The following TTK variants were observed in gnomAD, a reference collection of about 807,000 sequenced individuals.
TTK encodes the protein dual specificity protein kinase TTK.
Under a neutral mutation model 117.3 loss-of-function variants are expected in TTK, and 59 were observed. The ratio of observed to expected loss-of-function variants is 0.50; its 90% CI spans 0.41 to 0.62. The LOEUF (loss-of-function observed/expected upper bound fraction) is 0.62. Among genes scored for constraint, TTK ranks in the 20% least tolerant of loss-of-function variants. The pLI is 0.00. For missense variants in TTK, 921 were observed against 989.4 expected, an observed-to-expected ratio of 0.93 and a Z score of 0.93; for synonymous variants, 302 against 325.0, an observed-to-expected ratio of 0.93 and a Z score of 0.76.
chr6:80,013,533 A>T, intron 9 of TTK, 167 bp downstream of exon 9: 2 of 522,514 alleles, frequency 3.8e-6, no homozygotes, highest in Non-Finnish European at 6.7e-6. Context: ...TTGGTGCAGA[A>T]GTCCTAGACT....
rs201650148 is a variant in TTK, at chr6:80,011,749, A to G, written c.749A>G (p.Asp250Gly). 1.1e-3 allele frequency: 1,835 copies of G among 1,612,788 alleles called. 23 individuals carry two copies. In the South Asian group the frequency reaches 0.019, roughly 16 times the overall value. The change falls in exon 7 of 22, where the codon GAT becomes GGT. Residue 250 changes from aspartate (D) to glycine (G), a missense_variant. Physicochemically the swap from Asp to Gly is moderately conservative, Grantham distance 94. Transcript: ENST00000369798. ...FLYGENMPPQ[D>G]AEIGYRNSLR... The stretch of plus-strand genomic sequence containing the variant: ...TTTAGAGAGAACATGCCACCACAAG[A>G]TGCAGAAATAGGTTACCGGAATTCA...
intron 16 of TTK, among the ~76,000 whole-genome samples, chr6:80,035,940 T>C (rs1411133267): frequency 6.6e-6 from 1 of 152,118 alleles, no homozygotes; most frequent in Non-Finnish European, 1.5e-5. Flanking sequence ...GTTATCCTAG[T>C]TAATTGTAAT....
intron 4 of TTK, among the ~76,000 whole-genome samples, chr6:80,009,732 C>G (rs1349575008): frequency 6.6e-6 from 1 of 151,956 alleles, no homozygotes; most frequent in Non-Finnish European, 1.5e-5. Flanking sequence ...GCAGTGTGGT[C>G]AAATTATGAT....
At chr6:80,008,056 T>G (rs1248286991) in intron 3 of TTK, 25 bp downstream of exon 3, 6 of 1,605,606 alleles carry the variant, frequency 3.7e-6, no homozygotes, top group Non-Finnish European at 4.3e-6. Context: ...TTTAACTATG[T>G]TCAACTATGT....
chr6:80,013,429 T>C, intron 9 of TTK, 63 bp downstream of exon 9: 2 of 1,342,650 alleles, frequency 1.5e-6, no homozygotes, highest in South Asian at 1.3e-5. Context: ...TCAGTATTCA[T>C]GGAGCTTTTT....
At chr6:80,027,820 A>G in intron 12 of TTK, 65 bp from the exon 13 acceptor site, 2 of 1,293,406 alleles carry the variant, frequency 1.5e-6, no homozygotes, top group Non-Finnish European at 2.1e-6. Context: ...AAAATACATG[A>G]AACTGAATCA....
At position 80,005,944 on chromosome 6, in the gene TTK, A is replaced by C; in HGVS notation, c.101A>C (p.Asp34Ala). ...KNKFKNEDLT[D>A]ELSLNKISAD... ...AAGTTTAAAAATGAAGACCTTACTG[A>C]TGAACTAAGCTTGAATAAAATTTCT... Residue 34 changes from aspartate (D) to alanine (A), a missense_variant, in exon 2 of 22, where the codon GAT becomes GCT. Transcript: ENST00000369798. 2 of 1,611,548 alleles carry C rather than the reference A, an allele frequency of 1.2e-6. No homozygotes were observed. The highest frequency in any genetic ancestry group is 1.7e-6 in the Non-Finnish European group (2 of 1,179,378).
At chr6:80,022,236 A>G in intron 10 of TTK, 88 bp from the exon 11 acceptor site, 1 of 1,369,122 alleles carries the variant, frequency 7.3e-7, no homozygotes, top group Non-Finnish European at 9.9e-7. Context: ...CTAAATACTC[A>G]TATAGTTTGT....
At chr6:80,023,712 G>T (rs893825342) in intron 11 of TTK, among the ~76,000 whole-genome samples, 8 of 152,178 alleles carry the variant, frequency 5.3e-5, no homozygotes, top group South Asian at 4.1e-4. Flanking sequence ...CACTGTGTTA[G>T]AGTTTTTACA....
chr6:80,015,595 G>A (rs879492888), intron 10 of TTK, among the ~76,000 whole-genome samples: 6 of 152,098 alleles, frequency 3.9e-5, no homozygotes, highest in Non-Finnish European at 7.4e-5. Context: ...TATTTTGGTT[G>A]GGAACAGATT....
At position 80,040,375 on chromosome 6, in the gene TTK, C is replaced by T. The variant is rs961607442; in HGVS notation, c.2392+95C>T. The T allele has an allele frequency of 2.7e-5, 30 of 1,121,302 alleles. 1 individual carries two copies. The Admixed American group carries it at 7.1e-4, about 27-fold the overall frequency. 69.5% of individuals were successfully genotyped at this position (1,121,302 alleles called of 1,614,324 possible). On this transcript the variant is annotated intron_variant, in intron 20 of 21. Transcript: ENST00000369798. Reference sequence around the variant, plus strand: ...ACAAAGACAGAATCTAAATTGGCTACCCTTTGTCAGCCTGCCTTTTTCCTT... The same window carrying T: ...ACAAAGACAGAATCTAAATTGGCTATCCTTTGTCAGCCTGCCTTTTTCCTT...
intron 16 of TTK, among the ~76,000 whole-genome samples, chr6:80,035,937 T>C (rs1171327889): frequency 6.6e-6 from 1 of 152,134 alleles, no homozygotes; most frequent in Non-Finnish European, 1.5e-5. Context: ...ACTGTTATCC[T>C]AGTTAATTGT....
intron 9 of TTK, among the ~76,000 whole-genome samples, chr6:80,013,805 G>A (rs962066883): frequency 6.6e-5 from 10 of 152,002 alleles, no homozygotes; most frequent in African/African-American, 2.2e-4. Flanking sequence ...TCCTGACATG[G>A]CAGAGCAACT....
rs56848922 is a variant in TTK at position 80,031,044 on chromosome 6, C to CAA, written c.1522-409_1522-408dup. 7.7e-3 allele frequency among the ~76,000 whole-genome samples: 598 copies of CAA among 77,894 alleles called. 6 individuals are homozygous for CAA. The highest frequency in any genetic ancestry group is 0.025 in the African/African-American group (558 of 22,188). 51.1% of individuals were successfully genotyped at this position (77,894 alleles called of 152,430 possible). ...TGGGAGGCAGAGTGAGATGCTGTCTCAAAAAAAAAAAAAAAGAAAAGAATG... is the reference window on the plus strand; with the variant it reads ...TGGGAGGCAGAGTGAGATGCTGTCTCAAAAAAAAAAAAAAAAAGAAAAGAATG... On this transcript the variant is annotated intron_variant, in intron 13 of 21. Transcript: ENST00000369798.
chr6:80,005,760 G>T lies in TTK; in HGVS notation c.-2-82G>T, dbSNP rs1053667275. Reference sequence around the variant, plus strand: ...TGTTCACAAAACGAATGCTTTAGTCGTCTGGGTTCTAAAAAGCTAGTGCAT... The same window carrying T: ...TGTTCACAAAACGAATGCTTTAGTCTTCTGGGTTCTAAAAAGCTAGTGCAT... On this transcript the variant is annotated intron_variant, in intron 1 of 21. Coordinates refer to ENST00000369798, the MANE Select transcript of TTK (RefSeq NM_003318.5). 2.7e-6 allele frequency: 4 copies of T among 1,504,534 alleles called. No homozygotes were observed. In the Admixed American group the frequency reaches 6.3e-5, roughly 24 times the overall value. 93.2% of individuals were successfully genotyped at this position (1,504,534 alleles called of 1,614,324 possible).
chr6:80,025,229 G>A (rs1197118778), intron 11 of TTK, among the ~76,000 whole-genome samples: 1 of 152,068 alleles, frequency 6.6e-6, no homozygotes, highest in Non-Finnish European at 1.5e-5. Context: ...CAGTTCCTCA[G>A]TAACATCTTT....
chr6:80,040,070 A>G (rs1367174251), intron 19 of TTK, 126 bp from the exon 20 acceptor site: 1 of 957,970 alleles, frequency 1.0e-6, no homozygotes, highest in East Asian at 3.0e-5. Context: ...TAATCTTGTC[A>G]TAATACTTTA....
chr6:80,021,525 A>G (rs1037702840), intron 10 of TTK, among the ~76,000 whole-genome samples: 2 of 152,224 alleles, frequency 1.3e-5, no homozygotes, highest in African/African-American at 4.8e-5. Context: ...AAACAGTTTT[A>G]TTAATCAAAT....
intron 9 of TTK, 131 bp downstream of exon 9, chr6:80,013,497 A>G (rs1301066837): frequency 1.1e-5 from 8 of 699,728 alleles, no homozygotes; most frequent in Admixed American, 1.1e-4. Flanking sequence ...ACATACCCCA[A>G]GAGCTGTGGG....
Sources: allele counts gnomAD v4.1 joint callset (sites outside exome capture counted in the v4.1 genomes callset), GRCh38; gene constraint gnomAD v4.1.1; transcripts MANE v1.5; gene names NCBI Gene and HGNC (gene_info 2026-07-23, HGNC 2026-07-21).